The following WWOX variants were observed in gnomAD, a reference collection of about 807,000 sequenced individuals.
WWOX encodes the protein WW domain containing oxidoreductase, also known as WW domain-containing oxidoreductase.
Under a neutral mutation model 46.2 loss-of-function variants are expected in WWOX, and 69 were observed. The ratio of observed to expected loss-of-function variants is 1.49; its 90% CI spans 1.23 to 1.82. The LOEUF (loss-of-function observed/expected upper bound fraction) is 1.82, where lower values mean the gene tolerates loss of function less well. WWOX is among the 40% of genes most tolerant of loss of function. The probability of loss-of-function intolerance (pLI) is 0.00; values close to 1 mark genes in which losing one functional copy is unlikely to be tolerated. For missense variants in WWOX, 919 were observed against 542.6 expected, an observed-to-expected ratio of 1.69 and a Z score of -6.89; for synonymous variants, 359 against 202.6, an observed-to-expected ratio of 1.77 and a Z score of -6.56.
intron 8 of WWOX, among the ~76,000 whole-genome samples, chr16:78,447,133 G>GC (rs2083579165): frequency 6.6e-6 from 1 of 152,082 alleles, no homozygotes; most frequent in Non-Finnish European, 1.5e-5. Context: ...AACCAGACAG[G>GC]CAGAGTATTT....
intron 8 of WWOX, among the ~76,000 whole-genome samples, chr16:78,439,988 C>A (rs1394742280): frequency 2.6e-5 from 4 of 152,152 alleles, no homozygotes; most frequent in Admixed American, 6.5e-5. Context: ...AGTTGACTTC[C>A]CGTCAGATCC....
intron 8 of WWOX, among the ~76,000 whole-genome samples, chr16:78,434,285 G>T (rs542112258): frequency 1.2e-4 from 18 of 152,272 alleles, no homozygotes; most frequent in African/African-American, 4.3e-4. Context: ...CGCAGGGTGG[G>T]ATTGATCTCT....
chr16:79,026,164 C>G (rs2047637038), intron 8 of WWOX, among the ~76,000 whole-genome samples: 1 of 151,668 alleles, frequency 6.6e-6, no homozygotes, highest in South Asian at 2.1e-4. Flanking sequence ...CTTTAAGTTT[C>G]CTCACTCCTT....
intron 5 of WWOX, among the ~76,000 whole-genome samples, chr16:78,287,070 G>C (rs1045908233): frequency 1.3e-5 from 2 of 152,140 alleles, no homozygotes; most frequent in African/African-American, 4.8e-5. Context: ...GTAATACAAC[G>C]GGACAAGCTT....
chr16:78,906,403 C>T (rs2044965435), intron 8 of WWOX, among the ~76,000 whole-genome samples: 1 of 152,132 alleles, frequency 6.6e-6, no homozygotes, highest in African/African-American at 2.4e-5. Flanking sequence ...CCTCTCCTTC[C>T]TACTTTCCCT....
intron 8 of WWOX, among the ~76,000 whole-genome samples, chr16:78,614,770 T>A (rs2045981169): frequency 1.3e-5 from 2 of 152,174 alleles, no homozygotes; most frequent in Non-Finnish European, 2.9e-5. Context: ...TTGACAGAGT[T>A]GTCTTTTTGT....
chr16:78,809,075 C>T (rs1182209924), intron 8 of WWOX, among the ~76,000 whole-genome samples: 2 of 152,034 alleles, frequency 1.3e-5, no homozygotes, highest in Non-Finnish European at 2.9e-5. Flanking sequence ...CCCCGAGAAA[C>T]ACTGAGGACA....
At chr16:78,881,851 G>A (rs2044349369) in intron 8 of WWOX, among the ~76,000 whole-genome samples, 1 of 152,144 alleles carries the variant, frequency 6.6e-6, no homozygotes. Flanking sequence ...GTCCAGGCAC[G>A]GTGGCTCATG....
intron 8 of WWOX, among the ~76,000 whole-genome samples, chr16:78,760,673 T>C (rs569675410): frequency 2.6e-4 from 39 of 152,180 alleles, no homozygotes; most frequent in Admixed American, 2.3e-3. Context: ...TCAGACGGCT[T>C]GTCTCAAGCT....
At chr16:79,122,347 A>G (rs1335850767) in intron 8 of WWOX, among the ~76,000 whole-genome samples, 2 of 152,224 alleles carry the variant, frequency 1.3e-5, no homozygotes, top group African/African-American at 2.4e-5. Context: ...TACCCTGGCT[A>G]TTGGAACAAT....
chr16:78,241,740 C>T (rs1468390192), intron 5 of WWOX, among the ~76,000 whole-genome samples: 1 of 152,122 alleles, frequency 6.6e-6, no homozygotes, highest in Non-Finnish European at 1.5e-5. Context: ...ACGCCCCTCA[C>T]GCGCAGCCAC....
intron 8 of WWOX, among the ~76,000 whole-genome samples, chr16:78,672,839 T>A (rs2142208122): frequency 6.6e-6 from 1 of 152,314 alleles, no homozygotes; most frequent in East Asian, 1.9e-4. Context: ...TCTATGGATT[T>A]TCACTAAAAT....
chr16:79,183,526 T>C (rs2050953510), intron 8 of WWOX, among the ~76,000 whole-genome samples: 1 of 152,216 alleles, frequency 6.6e-6, no homozygotes, highest in Non-Finnish European at 1.5e-5. Context: ...TGAATTGGCA[T>C]CCAACCATAA....
chr16:78,787,496 C>G (rs2050486888), intron 8 of WWOX, among the ~76,000 whole-genome samples: 1 of 152,118 alleles, frequency 6.6e-6, no homozygotes, highest in Non-Finnish European at 1.5e-5. Context: ...TGTATCAGTA[C>G]TTCATTCTTT....
intron 8 of WWOX, among the ~76,000 whole-genome samples, chr16:79,044,955 G>A (rs1208122334): frequency 3.9e-5 from 6 of 152,118 alleles, no homozygotes; most frequent in Admixed American, 1.3e-4. Flanking sequence ...ATGAGATAAT[G>A]TGCATAAAGA....
intron 5 of WWOX, among the ~76,000 whole-genome samples, chr16:78,297,021 G>A (rs926995303): frequency 6.6e-6 from 1 of 152,116 alleles, no homozygotes; most frequent in Non-Finnish European, 1.5e-5. Context: ...TTTGAAGGCT[G>A]AATTGGTAAA....
In WWOX at chr16:78,543,620, C is replaced by G. The variant is rs543836981; in HGVS notation, c.1056+110868C>G. On this transcript the variant is annotated intron_variant, in intron 8 of 8. Transcript: ENST00000566780. ...GCTGAAAGACTTGGAATGCAAAAAC[C>G]TAAGGCCAAGGGCACTTCTCAATAT... 5.3e-5 allele frequency among the ~76,000 whole-genome samples: 8 copies of G among 152,252 alleles called. No homozygotes were observed. In the South Asian group the frequency reaches 1.7e-3, roughly 32 times the overall value.
intron 5 of WWOX, among the ~76,000 whole-genome samples, chr16:78,376,891 G>A (rs2081842415): frequency 6.6e-6 from 1 of 152,230 alleles, no homozygotes; most frequent in Non-Finnish European, 1.5e-5. Flanking sequence ...GATTTCCCAA[G>A]TCCACCGTGT....
At chr16:78,656,657 A>C (rs1286560325) in intron 8 of WWOX, among the ~76,000 whole-genome samples, 3 of 152,142 alleles carry the variant, frequency 2.0e-5, no homozygotes, top group African/African-American at 7.2e-5. Context: ...CTCCTCCAAC[A>C]TTGGGGATTG....
Sources: gnomAD v4.1 joint callset for allele counts (sites outside exome capture counted in the v4.1 genomes callset) on GRCh38, gnomAD v4.1.1 for gene constraint, MANE v1.5 for transcripts, NCBI Gene and HGNC (gene_info 2026-07-23, HGNC 2026-07-21) for gene names.